KCNIP1: variants seen among roughly 807,000 people sequenced by gnomAD.
The protein encoded by KCNIP1 is A-type potassium channel modulatory protein KCNIP1.
KCNIP1 carries 18 observed loss-of-function variants against 33.0 expected under a neutral mutation model. The observed-to-expected ratio is 0.55, with a 90% CI of 0.38 to 0.81. KCNIP1 has a LOEUF of 0.81. Among genes scored for constraint, KCNIP1 ranks in the 30% least tolerant of loss-of-function variants. The pLI is 0.00. For synonymous variants in KCNIP1, 93 were observed against 98.3 expected (o/e 0.95, Z 0.32); for missense variants, 238 against 271.6 (o/e 0.88, Z 0.87).
At chr5:170,620,407 G>T (rs149680288) in intron 1 of KCNIP1, among the ~76,000 whole-genome samples, 1 of 152,216 alleles carries the variant, frequency 6.6e-6, no homozygotes, top group African/African-American at 2.4e-5. Context: ...AATCTGGTTT[G>T]TTGGATGGAG....
chr5:170,539,413 G>A (rs1347073896), intron 1 of KCNIP1, among the ~76,000 whole-genome samples: 1 of 152,062 alleles, frequency 6.6e-6, no homozygotes, highest in African/African-American at 2.4e-5. Context: ...TGGCTTCCTT[G>A]CACTTTTGCA....
At chr5:170,704,548 G>A (rs948994756) in intron 1 of KCNIP1, among the ~76,000 whole-genome samples, 1 of 152,170 alleles carries the variant, frequency 6.6e-6, no homozygotes, top group Non-Finnish European at 1.5e-5. Context: ...GTAGACCAGG[G>A]CCCTAGCGTG....
intron 1 of KCNIP1, among the ~76,000 whole-genome samples, chr5:170,384,608 A>AG (rs1764389820): frequency 6.6e-6 from 1 of 152,210 alleles, no homozygotes; most frequent in Non-Finnish European, 1.5e-5. Context: ...GCCAGTCAGA[A>AG]GGGGGCTGTC....
intron 1 of KCNIP1, among the ~76,000 whole-genome samples, chr5:170,695,794 G>A (rs913795182): frequency 6.6e-6 from 1 of 152,206 alleles, no homozygotes; most frequent in Non-Finnish European, 1.5e-5. Flanking sequence ...GCCAAGGCGG[G>A]TGGATCATGA....
intron 1 of KCNIP1, among the ~76,000 whole-genome samples, chr5:170,406,177 A>G (rs934986939): frequency 6.6e-6 from 1 of 151,682 alleles, no homozygotes; most frequent in Non-Finnish European, 1.5e-5. Flanking sequence ...TGGCTCTAAT[A>G]TAAGGGAAAT....
intron 1 of KCNIP1, among the ~76,000 whole-genome samples, chr5:170,561,488 G>T (rs1757032857): frequency 6.6e-6 from 1 of 152,242 alleles, no homozygotes; most frequent in Non-Finnish European, 1.5e-5. Context: ...TGGTGAAGGA[G>T]CATGTGGGAG....
intron 1 of KCNIP1, among the ~76,000 whole-genome samples, chr5:170,562,387 CAGCACGTG>C (rs1339863111): frequency 6.6e-6 from 1 of 152,188 alleles, no homozygotes; most frequent in Non-Finnish European, 1.5e-5. Context: ...GTTCTGCAAC[CAGCACGTG>C]AGCTCTGTGA....
At chr5:170,720,127 G>C (rs1178920444) in intron 2 of KCNIP1, among the ~76,000 whole-genome samples, 194 bp from the exon 3 acceptor site, 1 of 152,102 alleles carries the variant, frequency 6.6e-6, no homozygotes, top group Non-Finnish European at 1.5e-5. Flanking sequence ...ACCTCACAGT[G>C]CCCATTCTCT....
chr5:170,497,917 A>G (rs1445852710), intron 1 of KCNIP1, among the ~76,000 whole-genome samples: 1 of 152,204 alleles, frequency 6.6e-6, no homozygotes, highest in Non-Finnish European at 1.5e-5. Flanking sequence ...TGCAGGGGGA[A>G]TCCTCAGGCA....
chr5:170,700,788 G>A (rs1322596235), intron 1 of KCNIP1, among the ~76,000 whole-genome samples: 1 of 152,132 alleles, frequency 6.6e-6, no homozygotes, highest in Non-Finnish European at 1.5e-5. Context: ...CATTTTACTA[G>A]GCAATGCCAG....
At chr5:170,569,551 G>A (rs1285628404) in intron 1 of KCNIP1, among the ~76,000 whole-genome samples, 1 of 152,186 alleles carries the variant, frequency 6.6e-6, no homozygotes, top group Non-Finnish European at 1.5e-5. Flanking sequence ...TCATAGGATT[G>A]GTGGACAAAG....
upstream of KCNIP1, among the ~76,000 whole-genome samples, chr5:170,502,557 G>A (rs539173520): frequency 9.2e-5 from 14 of 152,294 alleles, no homozygotes; most frequent in East Asian, 2.1e-3. Context: ...CTCCACCTTC[G>A]TGGGGGGCAA....
intron 1 of KCNIP1, among the ~76,000 whole-genome samples, chr5:170,656,103 G>A (rs1364788068): frequency 6.6e-6 from 1 of 152,132 alleles, no homozygotes; most frequent in Non-Finnish European, 1.5e-5. Context: ...CGGCTCTGAG[G>A]GGCATGGCCA....
upstream of KCNIP1, among the ~76,000 whole-genome samples, chr5:170,499,156 A>G (rs143567300): frequency 5.6e-4 from 85 of 152,328 alleles, no homozygotes; most frequent in African/African-American, 2.0e-3. Context: ...GCTGAATTGC[A>G]CATAATCAGG....
chr5:170,531,910 C>T (rs1445132878), intron 1 of KCNIP1, among the ~76,000 whole-genome samples: 1 of 152,180 alleles, frequency 6.6e-6, no homozygotes, highest in African/African-American at 2.4e-5. Context: ...GTCCTGCCCC[C>T]ATCTTCCCGA....
intron 1 of KCNIP1, among the ~76,000 whole-genome samples, chr5:170,653,081 A>T (rs550852767): frequency 1.3e-5 from 2 of 152,238 alleles, no homozygotes; most frequent in South Asian, 4.2e-4. Flanking sequence ...GCCTGCATCC[A>T]CTCACCCCAA....
rs546238140 is a variant in KCNIP1 at position 170,685,308 on chromosome 5, C to T, written c.62-33450C>T. ...GGCCAACCACCCTTCCATTTAGCCA[C>T]AGCCTGAAGATCCCAACTATGATCA... On this transcript the variant is annotated intron_variant, in intron 1 of 7. Transcript: ENST00000328939. Among the ~76,000 whole-genome samples, 6 of 151,404 alleles carry T rather than the reference C, an allele frequency of 4.0e-5. No homozygotes were observed. The East Asian group carries it at 7.8e-4, about 20-fold the overall frequency.
At chr5:170,502,159 A>G (rs1425728690), upstream of KCNIP1, among the ~76,000 whole-genome samples, 1 of 152,200 alleles carries the variant, frequency 6.6e-6, no homozygotes, top group Non-Finnish European at 1.5e-5. Context: ...CTCTGGGGTA[A>G]TGATCAGGCA....
At chr5:170,710,817 A>C (rs1244512128) in intron 1 of KCNIP1, among the ~76,000 whole-genome samples, 1 of 152,144 alleles carries the variant, frequency 6.6e-6, no homozygotes, top group Non-Finnish European at 1.5e-5. Flanking sequence ...TTCAACACTC[A>C]ACTGAATTAT....
Sources: gnomAD v4.1 joint callset for allele counts (sites outside exome capture counted in the v4.1 genomes callset) on GRCh38, gnomAD v4.1.1 for gene constraint, MANE v1.5 for transcripts, NCBI Gene and HGNC (gene_info 2026-07-23, HGNC 2026-07-21) for gene names.